The following HDAC8 variants were observed in gnomAD, a reference collection of about 807,000 sequenced individuals.
HDAC8 encodes the protein histone deacetylase-like 1.
In HDAC8, 1 loss-of-function variant was observed where a neutral mutation model predicts 32.2. The observed-to-expected ratio is 0.03, with a 90% confidence interval of 0.01 to 0.15. The LOEUF is 0.15. Among genes scored for constraint, HDAC8 ranks in the 10% least tolerant of loss-of-function variants. HDAC8 has a pLI of 1.00. For missense variants in HDAC8, 117 were observed against 300.0 expected, an observed-to-expected ratio of 0.39 and a Z score of 4.51; for synonymous variants, 108 against 113.9, an observed-to-expected ratio of 0.95 and a Z score of 0.33.
At chrX:72,568,064 G>A (rs2051869768) in intron 3 of HDAC8, 34 bp from the exon 4 acceptor site, 2 of 1,173,418 alleles carry the variant, frequency 1.7e-6, no homozygotes, top group Non-Finnish European at 2.3e-6. Flanking sequence ...TGGTTAAAAG[G>A]TGAACTGGAA....
intron 9 of HDAC8, among the ~76,000 whole-genome samples, chrX:72,409,043 TCA>T (rs1431035536): frequency 2.7e-5 from 3 of 112,281 alleles, no homozygotes. Flanking sequence ...AACCACACTT[TCA>T]CATTCATTTG....
chrX:72,353,792 C>G (rs2044249109), intron 9 of HDAC8, among the ~76,000 whole-genome samples: 1 of 111,537 alleles, frequency 9.0e-6, no homozygotes, highest in African/African-American at 3.3e-5. Context: ...AATGAAGAAG[C>G]TCCTCTTGGA....
intron 9 of HDAC8, among the ~76,000 whole-genome samples, chrX:72,364,430 C>T (rs1052877015): frequency 1.8e-5 from 2 of 111,847 alleles, no homozygotes; most frequent in African/African-American, 6.5e-5. Flanking sequence ...CAGCCTCTGA[C>T]GTGCATTTAT....
At chrX:72,377,645 C>T (rs911327403) in intron 9 of HDAC8, among the ~76,000 whole-genome samples, 5 of 111,707 alleles carry the variant, frequency 4.5e-5, no homozygotes, top group African/African-American at 6.5e-5. Context: ...TTTTTGTTAC[C>T]GTATGCATGC....
intron 9 of HDAC8, among the ~76,000 whole-genome samples, chrX:72,442,417 T>G: frequency 9.0e-6 from 1 of 111,389 alleles, no homozygotes; most frequent in Non-Finnish European, 1.9e-5. Flanking sequence ...AACCCAGAAT[T>G]TCATATCCAG....
intron 9 of HDAC8, among the ~76,000 whole-genome samples, chrX:72,455,969 G>A (rs1210416316): frequency 8.9e-6 from 1 of 112,114 alleles, no homozygotes. Context: ...CATTTGTGAA[G>A]TTTTAGTGTA....
chrX:72,541,050 C>T lies in HDAC8; in HGVS notation c.437+26839G>A, dbSNP rs187341347. Among the ~76,000 whole-genome samples the T allele has an allele frequency of 4.1e-4, 46 of 110,985 alleles. 1 individual carries two copies. The highest frequency in any genetic ancestry group is 1.1e-3 in the African/African-American group (33 of 30,519). ...CATGAAGCTTATGCTCTAGTGGTGG[C>T]GGGAGGGTGAAACAAAATAGATATA... On this transcript the variant is annotated intron_variant, in intron 4 of 10. Coordinates refer to ENST00000373573, the MANE Select transcript of HDAC8 (RefSeq NM_018486.3).
At chrX:72,509,239 G>C (rs2049491877) in intron 4 of HDAC8, among the ~76,000 whole-genome samples, 1 of 109,975 alleles carries the variant, frequency 9.1e-6, no homozygotes, top group Admixed American at 9.8e-5. Flanking sequence ...CTCCTGAGTA[G>C]CTGGGGTTAT....
intron 10 of HDAC8, among the ~76,000 whole-genome samples, chrX:72,330,400 C>T (rs781953461): frequency 1.8e-5 from 2 of 111,620 alleles, no homozygotes; most frequent in East Asian, 5.6e-4. Flanking sequence ...AGCTCAATTG[C>T]CAATCTATAG....
intron 9 of HDAC8, among the ~76,000 whole-genome samples, chrX:72,413,597 A>C (rs2046258833): frequency 9.1e-6 from 1 of 109,854 alleles, no homozygotes; most frequent in African/African-American, 3.3e-5. Flanking sequence ...CATAATCCCC[A>C]CGTGTAATGG....
intron 10 of HDAC8, among the ~76,000 whole-genome samples, chrX:72,341,297 A>G (rs1306650694): frequency 1.8e-5 from 2 of 111,796 alleles, no homozygotes; most frequent in African/African-American, 6.5e-5. Context: ...CGTATGTGTC[A>G]GGGGATGAGG....
intron 7 of HDAC8, among the ~76,000 whole-genome samples, chrX:72,471,177 C>T (rs956101534): frequency 9.8e-5 from 11 of 112,466 alleles, no homozygotes; most frequent in African/African-American, 3.2e-4. Flanking sequence ...TACTTCATTC[C>T]TTTTTATGGT....
chrX:72,463,974 A>G (rs1234663421), intron 8 of HDAC8, among the ~76,000 whole-genome samples: 1 of 112,033 alleles, frequency 8.9e-6, no homozygotes, highest in Non-Finnish European at 1.9e-5. Flanking sequence ...AAATGCTACT[A>G]TTGAATAGAC....
intron 4 of HDAC8, among the ~76,000 whole-genome samples, chrX:72,563,791 T>C (rs1423969525): frequency 9.0e-6 from 1 of 111,613 alleles, no homozygotes; most frequent in Non-Finnish European, 1.9e-5. Flanking sequence ...CAAAGGGCAT[T>C]AATACACATT....
At position 72,333,266 on chromosome X, in the gene HDAC8, C is replaced by T. The variant is rs782724802; in HGVS notation, c.1112-3190G>A. 2.7e-5 allele frequency among the ~76,000 whole-genome samples: 3 copies of T among 112,064 alleles called. No homozygotes were observed. The South Asian group carries it at 1.1e-3, about 42-fold the overall frequency. On this transcript the variant is annotated intron_variant, in intron 10 of 10. Transcript: ENST00000373573. ...CCAATCTATCCCCTTCTTTCTGTTC[C>T]ACTGTCTCTGCTTTAGTCACATCTC...
At chrX:72,347,019 C>T (rs182574432) in intron 10 of HDAC8, among the ~76,000 whole-genome samples, 8 of 111,242 alleles carry the variant, frequency 7.2e-5, no homozygotes, top group Non-Finnish European at 1.3e-4. Context: ...GGTCAAACAG[C>T]CTGACTCTGA....
At chrX:72,572,184 C>T in intron 1 of HDAC8, 75 bp from the exon 2 acceptor site, 1 of 970,797 alleles carries the variant, frequency 1.0e-6, no homozygotes, top group South Asian at 2.3e-5. Context: ...GCAAAATCCC[C>T]GTCAATCTCA....
At chrX:72,357,845 C>T (rs1369314053) in intron 9 of HDAC8, among the ~76,000 whole-genome samples, 1 of 111,690 alleles carries the variant, frequency 9.0e-6, no homozygotes, top group Non-Finnish European at 1.9e-5. Context: ...TTTACTGTGG[C>T]TTAACTTTTG....
At chrX:72,529,882 G>A (rs2050274126) in intron 4 of HDAC8, among the ~76,000 whole-genome samples, 1 of 110,967 alleles carries the variant, frequency 9.0e-6, no homozygotes, top group African/African-American at 3.3e-5. Flanking sequence ...ATGATAGTGA[G>A]TTCTTATGAG....
Sources: gnomAD v4.1 joint callset for allele counts (sites outside exome capture counted in the v4.1 genomes callset) on GRCh38, gnomAD v4.1.1 for gene constraint, MANE v1.5 for transcripts, NCBI Gene and HGNC (gene_info 2026-07-23, HGNC 2026-07-21) for gene names.